TBX18: variants seen among roughly 807,000 people sequenced by gnomAD.
The protein encoded by TBX18 is T-box transcription factor TBX18.
In TBX18, 21 loss-of-function variants were observed where a neutral mutation model predicts 55.0. The observed-to-expected ratio is 0.38, with a 90% CI of 0.27 to 0.55. The LOEUF (loss-of-function observed/expected upper bound fraction) is 0.55, where lower values mean the gene tolerates loss of function less well. Among genes scored for constraint, TBX18 ranks in the 20% least tolerant of loss-of-function variants. The pLI is 0.73. For synonymous variants in TBX18, 342 were observed against 326.1 expected, an observed-to-expected ratio of 1.05 and a Z score of -0.53; for missense variants, 840 against 799.6, an observed-to-expected ratio of 1.05 and a Z score of -0.61.
chr6:84,737,050 T>G lies in TBX18; in HGVS notation c.1459A>C (p.Met487Leu). 6.2e-7 allele frequency: 1 copy of G among 1,614,142 alleles called. No individual in the cohort carries two copies. The highest frequency in any genetic ancestry group is 8.5e-7 in the Non-Finnish European group (1 of 1,180,010). The change falls in exon 8 of 8, where the codon ATG becomes CTG. Residue 487 changes from methionine (M) to leucine (L), a missense_variant. Met to Leu is a conservative substitution (Grantham distance 15). Coordinates refer to ENST00000369663, the MANE Select transcript of TBX18 (RefSeq NM_001080508.3). ...TFSCPQTSLS[M>L]QISGMSPQLQ... ...TGGGGGGACATTCCCGAAATCTGCA[T>G]GGATAAGCTGGTCTGTGGGCAGCTG...
chr6:84,756,614 T>C (rs1033019433), intron 4 of TBX18, 84 bp downstream of exon 4: 2 of 1,301,824 alleles, frequency 1.5e-6, no homozygotes, highest in Non-Finnish European at 2.2e-6. Context: ...ATTATGATCT[T>C]AGAAGCATTC....
chr6:84,761,336 A>G (rs960874558), intron 2 of TBX18, among the ~76,000 whole-genome samples: 43 of 152,310 alleles, frequency 2.8e-4, no homozygotes, highest in African/African-American at 1.0e-3. Context: ...AGAAAAAAAT[A>G]AAGTCTATTA....
At position 84,748,085 on chromosome 6, in the gene TBX18, A is replaced by T. The variant is rs1307879821; in HGVS notation, c.774T>A (p.Ile258=). ...GGTATTTGTGCATAGAATGAAGAAT[A>T]ATCTATATCAAAGAAGGAAAAGCTG... ...TNNELDDQGH[I]ILHSMHKYQP... The change falls in exon 5 of 8, where the codon ATT becomes ATA. Residue 258 remains isoleucine (I), a splice_region_variant and synonymous_variant. Transcript: ENST00000369663. The T allele has an allele frequency of 1.9e-6, 3 of 1,597,536 alleles. No homozygotes were observed. Among genetic ancestry groups the T allele is most frequent in the Non-Finnish European group, 2.6e-6 (3 of 1,169,278 alleles).
intron 4 of TBX18, among the ~76,000 whole-genome samples, chr6:84,751,159 G>C (rs1457564964): frequency 2.0e-5 from 3 of 152,130 alleles, no homozygotes; most frequent in African/African-American, 7.2e-5. Context: ...AAAAATAAAT[G>C]CATAGCTAAT....
intron 6 of TBX18, chr6:84,742,505 T>C (rs1188671585): frequency 1.3e-5 from 2 of 152,188 alleles, no homozygotes; most frequent in Non-Finnish European, 2.9e-5. Context: ...ACTTGTCATA[T>C]GTATCTGTCA....
intron 5 of TBX18, among the ~76,000 whole-genome samples, chr6:84,746,981 G>T (rs910921268): frequency 3.9e-5 from 6 of 152,020 alleles, no homozygotes; most frequent in Non-Finnish European, 8.8e-5. Flanking sequence ...AGCTTCGGTT[G>T]TGATACTGAT....
At chr6:84,747,483 T>C (rs938548845) in intron 5 of TBX18, among the ~76,000 whole-genome samples, 6 of 152,220 alleles carry the variant, frequency 3.9e-5, no homozygotes, top group Non-Finnish European at 7.4e-5. Flanking sequence ...TTGAAAGAAA[T>C]AGCCCTTTTG....
chr6:84,739,188 A>T (rs1766976807), intron 6 of TBX18, among the ~76,000 whole-genome samples: 2 of 151,814 alleles, frequency 1.3e-5, no homozygotes, highest in Middle Eastern at 3.2e-3. Context: ...AAGAAACAGC[A>T]CTGGCCTCTC....
rs1773929095 is a variant in TBX18 at position 84,736,010 on chromosome 6, G to A, written c.*675C>T. On this transcript the variant is annotated 3_prime_UTR_variant, in exon 8 of 8. Coordinates refer to ENST00000369663, the MANE Select transcript of TBX18 (RefSeq NM_001080508.3). The stretch of plus-strand genomic sequence containing the variant: ...AATAAGAACCTCTTATGTGCCCAAT[G>A]GAAAGTGTAAAAAAAAAAATCACAA... The A allele has an allele frequency of 6.6e-6, 1 of 151,744 alleles. No homozygotes were observed. The highest frequency in any genetic ancestry group is 6.6e-5 in the Admixed American group (1 of 15,236). 9.4% of individuals were successfully genotyped at this position (151,744 alleles called of 1,614,324 possible). A position where few individuals can be genotyped will look rare whatever the true frequency, so the allele number is the denominator to read the frequency against.
Position 84,752,819 on chromosome 6 carries a change from G to T in TBX18, c.771+3879C>A, listed in dbSNP as rs112998468. On this transcript the variant is annotated intron_variant, in intron 4 of 7. Coordinates refer to ENST00000369663, the MANE Select transcript of TBX18 (RefSeq NM_001080508.3). ...AGCTGGGAGTACAGGTCTTCCCACA[G>T]GTCCCACTGTGGCTGTCTGGCCATG... 3.1e-3 allele frequency among the ~76,000 whole-genome samples: 474 copies of T among 152,274 alleles called. 3 individuals are homozygous for T. The highest frequency in any genetic ancestry group is 9.6e-3 in the African/African-American group (397 of 41,548).
At chr6:84,755,704 C>T (rs1767468887) in intron 4 of TBX18, among the ~76,000 whole-genome samples, 2 of 152,202 alleles carry the variant, frequency 1.3e-5, no homozygotes, top group African/African-American at 4.8e-5. Flanking sequence ...TGAGATCTTA[C>T]TAGTTGCATC....
intron 2 of TBX18, among the ~76,000 whole-genome samples, chr6:84,761,663 T>C (rs1767650131): frequency 6.6e-6 from 1 of 152,240 alleles, no homozygotes. Flanking sequence ...GGAAGCTTAT[T>C]ATTCATAGAT....
At position 84,736,899 on chromosome 6, in the gene TBX18, G is replaced by C. The variant is rs1262919821; in HGVS notation, c.1610C>G (p.Ser537Cys). The change falls in exon 8 of 8, where the codon TCC becomes TGC. Residue 537 changes from serine to cysteine, a missense_variant. Coordinates refer to ENST00000369663, the MANE Select transcript of TBX18 (RefSeq NM_001080508.3). The part of the protein sequence containing the change: ...CALYGYNFST[S>C]PKLAASPEKI... ...CTCAGGACTGGCAGCCAGTTTGGGG[G>C]ATGTGGAGAAGTTATATCCATATAG... 16 of 1,613,132 alleles carry C rather than the reference G, an allele frequency of 9.9e-6. No homozygotes were observed. Among genetic ancestry groups the C allele is most frequent in the Non-Finnish European group, 1.4e-5 (16 of 1,179,672 alleles).
intron 6 of TBX18, among the ~76,000 whole-genome samples, chr6:84,739,537 C>T (rs983309978): frequency 2.0e-5 from 3 of 152,096 alleles, no homozygotes; most frequent in Admixed American, 6.5e-5. Flanking sequence ...GACCTCATCA[C>T]TCTTCCTTCA....
intron 6 of TBX18, among the ~76,000 whole-genome samples, chr6:84,742,903 G>C (rs1427656090): frequency 1.3e-5 from 2 of 152,122 alleles, no homozygotes; most frequent in Non-Finnish European, 1.5e-5. Flanking sequence ...ACCTCACTAA[G>C]TGGCCATCTC....
At position 84,748,053 on chromosome 6, in the gene TBX18, C is replaced by T. The variant is rs541982391; in HGVS notation, c.806G>A (p.Arg269Gln). Residue 269 changes from arginine to glutamine, a missense_variant, in exon 5 of 8, where the codon CGA becomes CAA. Coordinates refer to ENST00000369663, the MANE Select transcript of TBX18 (RefSeq NM_001080508.3). Reference sequence around the variant, plus strand: ...ACAGTCTTTACGGATGACGTGCACTCGCGGTTGGTATTTGTGCATAGAATG... The same window carrying T: ...ACAGTCTTTACGGATGACGTGCACTTGCGGTTGGTATTTGTGCATAGAATG... Reference protein sequence around the residue: ...ILHSMHKYQPRVHVIRKDCGD... With the variant: ...ILHSMHKYQPQVHVIRKDCGD... 18 of 1,612,456 alleles carry T rather than the reference C, an allele frequency of 1.1e-5. No homozygotes were observed. Among genetic ancestry groups the T allele is most frequent in the African/African-American group, 5.3e-5 (4 of 74,982 alleles).
Position 84,738,485 on chromosome 6 carries a change from T to A in TBX18, c.1099+12A>T, listed in dbSNP as rs977152603. ...GGGCTGTATATATGACCCAGGAGAC[T>A]TTGTGAGTTACCTTGCTTGGGAATT... On this transcript the variant is annotated intron_variant, in intron 7 of 7. Coordinates refer to ENST00000369663, the MANE Select transcript of TBX18 (RefSeq NM_001080508.3). The A allele has an allele frequency of 6.2e-7, 1 of 1,611,996 alleles. No homozygotes were observed. Among genetic ancestry groups the A allele is most frequent in the Non-Finnish European group, 8.5e-7 (1 of 1,178,086 alleles).
chr6:84,763,879 G>A lies in TBX18; in HGVS notation c.292+11C>T. ...CGGAGAGAAGTTATAGGCAGGAAGG[G>A]GCCCACTCACCCGCGGCTCCGCGCT... On this transcript the variant is annotated intron_variant, in intron 1 of 7. Coordinates refer to ENST00000369663, the MANE Select transcript of TBX18 (RefSeq NM_001080508.3). The A allele has an allele frequency of 2.0e-6, 3 of 1,493,208 alleles. No individual in the cohort carries two copies. Among genetic ancestry groups the A allele is most frequent in the Non-Finnish European group, 2.7e-6 (3 of 1,130,634 alleles). The allele number at this position is 1,493,208 out of a possible 1,614,324, so 92.5% of individuals were successfully genotyped here.
rs1281702731 is a variant in TBX18 at position 84,734,452 on chromosome 6, A to C, written c.*2233T>G. Reference sequence around the variant, plus strand: ...TCCAAAATCATAAAAGGGTTTAATAACATATTTTAATATAATTTTAAGTAC... The same window carrying C: ...TCCAAAATCATAAAAGGGTTTAATACCATATTTTAATATAATTTTAAGTAC... On this transcript the variant is annotated 3_prime_UTR_variant, in exon 8 of 8. Transcript: ENST00000369663. The C allele has an allele frequency of 6.6e-6, 1 of 152,444 alleles. No homozygotes were observed. Among genetic ancestry groups the C allele is most frequent in the Non-Finnish European group, 1.5e-5 (1 of 68,034 alleles). The allele number at this position is 152,444 out of a possible 1,614,324, so 9.4% of individuals were successfully genotyped here. A position where few individuals can be genotyped will look rare whatever the true frequency, so the allele number is the denominator to read the frequency against.
Sources: gnomAD v4.1 joint callset for allele counts (sites outside exome capture counted in the v4.1 genomes callset) on GRCh38, gnomAD v4.1.1 for gene constraint, MANE v1.5 for transcripts, NCBI Gene and HGNC (gene_info 2026-07-23, HGNC 2026-07-21) for gene names.